SCN9A: variants seen among roughly 807,000 people sequenced by gnomAD.
SCN9A encodes sodium voltage-gated channel alpha subunit 9.
Under a neutral mutation model 187.0 loss-of-function variants are expected in SCN9A, and 131 were observed. The observed-to-expected ratio is 0.70, with a 90% confidence interval of 0.61 to 0.81. The LOEUF (loss-of-function observed/expected upper bound fraction) is 0.81. SCN9A is among the 30% of genes least tolerant of loss of function. SCN9A has a pLI of 0.00. For missense variants in SCN9A, 2,252 were observed against 2,396.6 expected (o/e 0.94, Z 1.26); for synonymous variants, 809 against 808.6 (o/e 1.00, Z -0.01).
chr2:166,276,993 C>CCAATGA lies in SCN9A; in HGVS notation c.2858_2863dup (p.Val953_Ile954dup). The CCAATGA allele has an allele frequency of 6.2e-7, 1 of 1,612,164 alleles. No homozygotes were observed. Among genetic ancestry groups the CCAATGA allele is most frequent in the Non-Finnish European group, 8.5e-7 (1 of 1,178,822 alleles). On this transcript the variant is annotated inframe_insertion, in exon 16 of 27. Transcript: ENST00000642356. ...CATCTGGTTACATACCACCAGGTTTCCAATGACCATGACCATCATGTAAAC... is the reference window on the plus strand; with the variant it reads ...CATCTGGTTACATACCACCAGGTTTCCAATGACAATGACCATGACCATCATGTAAAC...
chr2:166,266,582 T>A (rs559403942), intron 17 of SCN9A, among the ~76,000 whole-genome samples: 11 of 151,880 alleles, frequency 7.2e-5, no homozygotes, highest in Admixed American at 7.2e-4. Flanking sequence ...GGACTTTTTT[T>A]TTTTTTTTCT....
rs115489522 is a variant in SCN9A, at chr2:166,373,637, A to G, written c.-51+2060T>C. 4.3e-3 allele frequency among the ~76,000 whole-genome samples: 662 copies of G among 152,280 alleles called. 7 individuals are homozygous for G. The highest frequency in any genetic ancestry group is 0.015 in the African/African-American group (634 of 41,550). ...ATAAGGAAGAGAGCAATCAAAGGTGATTTCAATACTTGGATGGTGAAGGCA... is the reference window on the plus strand; with the variant it reads ...ATAAGGAAGAGAGCAATCAAAGGTGGTTTCAATACTTGGATGGTGAAGGCA... On this transcript the variant is annotated intron_variant, in intron 1 of 26. Transcript: ENST00000642356.
chr2:166,301,361 A>G (rs923161819), intron 7 of SCN9A: 1 of 150,486 alleles, frequency 6.6e-6, no homozygotes, highest in Admixed American at 6.6e-5. Flanking sequence ...CAATGTCCAC[A>G]TAAGGCAAAT....
rs1448806867 is a variant in SCN9A, at chr2:166,238,155, G to T, written c.3740C>A (p.Ala1247Glu). 3.1e-6 allele frequency: 5 copies of T among 1,610,390 alleles called. No homozygotes were observed. The highest frequency in any genetic ancestry group is 4.2e-6 in the Non-Finnish European group (5 of 1,177,740). ...GGTGAAATATGTTTTATAACCATAT[G>T]CTATCCATTTTAGAAGCATTTCCAG... The part of the protein sequence containing the change: ...FILEMLLKWI[A>E]YGYKTYFTNA... The change falls in exon 20 of 27, where the codon GCA (alanine) becomes GAA (glutamate). Residue 1247 changes from alanine (A) to glutamate (E), a missense_variant. Ala to Glu is a moderately radical substitution (Grantham distance 107). This residue lies in a region of SCN9A where 10 missense variants were observed against 27.8 expected (regional missense o/e 0.36). Coordinates refer to ENST00000642356, the MANE Select transcript of SCN9A (RefSeq NM_001365536.1).
At chr2:166,236,060 A>T (rs1279624727) in intron 20 of SCN9A, among the ~76,000 whole-genome samples, 1 of 152,048 alleles carries the variant, frequency 6.6e-6, no homozygotes, top group Admixed American at 6.6e-5. Context: ...ATATTGTATA[A>T]TTTTTTAAGA....
chr2:166,205,761 C>T (rs1192568056), intron 24 of SCN9A, among the ~76,000 whole-genome samples: 3 of 151,536 alleles, frequency 2.0e-5, no homozygotes, highest in Admixed American at 2.0e-4. Flanking sequence ...GCAATTTATC[C>T]ATCTGACAAA....
At chr2:166,222,768 T>A (rs1694646531) in intron 24 of SCN9A, among the ~76,000 whole-genome samples, 1 of 143,008 alleles carries the variant, frequency 7.0e-6, no homozygotes. Context: ...CCGTCTCTAC[T>A]AAAAATACAA....
chr2:166,348,027 G>A (rs1038642951), intron 1 of SCN9A, among the ~76,000 whole-genome samples: 4 of 152,138 alleles, frequency 2.6e-5, no homozygotes, highest in Admixed American at 2.6e-4. Context: ...GTTCCAGAAG[G>A]ACCAAACCTT....
chr2:166,227,015 C>G (rs1393179520), intron 23 of SCN9A, among the ~76,000 whole-genome samples: 1 of 151,956 alleles, frequency 6.6e-6, no homozygotes, highest in East Asian at 1.9e-4. Flanking sequence ...AAGTGACATA[C>G]TATGTATATG....
At chr2:166,294,694 T>C in intron 7 of SCN9A, 32 bp from the exon 8 acceptor site, 1 of 1,420,736 alleles carries the variant, frequency 7.0e-7, no homozygotes, top group Non-Finnish European at 9.8e-7. Context: ...AGTTATAACA[T>C]CACAGACTTT....
At position 166,196,503 on chromosome 2, in the gene SCN9A, T is replaced by C. The variant is rs79799591; in HGVS notation, c.*2169A>G. 244 of 152,258 alleles carry C rather than the reference T, an allele frequency of 1.6e-3. 3 individuals are homozygous for C. Among genetic ancestry groups the C allele is most frequent in the African/African-American group, 5.3e-3 (219 of 41,574 alleles). 9.4% of individuals were successfully genotyped at this position (152,258 alleles called of 1,614,324 possible). A position where few individuals can be genotyped will look rare whatever the true frequency, so the allele number is the denominator to read the frequency against. On this transcript the variant is annotated 3_prime_UTR_variant, in exon 27 of 27. Transcript: ENST00000642356. ...AAACAAGGCAATGTAAAAACATTAA[T>C]AGAAAATTACACACGAACCTGTCAA...
At chr2:166,354,491 A>C (rs1482996626) in intron 1 of SCN9A, among the ~76,000 whole-genome samples, 1 of 152,206 alleles carries the variant, frequency 6.6e-6, no homozygotes, top group Non-Finnish European at 1.5e-5. Context: ...TTTTAAGTTC[A>C]CAGCAGAACT....
chr2:166,263,371 C>T (rs1048466347), intron 17 of SCN9A, among the ~76,000 whole-genome samples: 4 of 151,988 alleles, frequency 2.6e-5, no homozygotes, highest in Non-Finnish European at 5.9e-5. Context: ...CCTACACAAT[C>T]CCGTGATTAA....
At chr2:166,362,311 G>T (rs17766561) in intron 1 of SCN9A, among the ~76,000 whole-genome samples, 31,068 of 151,872 alleles carry the variant, frequency 0.2, 4,046 homozygotes, top group Non-Finnish European at 0.29. Context: ...GGAACTAAAG[G>T]CTGTGATTAT....
At chr2:166,327,228 G>A (rs536564089) in intron 1 of SCN9A, among the ~76,000 whole-genome samples, 8 of 152,030 alleles carry the variant, frequency 5.3e-5, no homozygotes, top group African/African-American at 1.5e-4. Flanking sequence ...CTGTGATCAC[G>A]GCTCACTGGA....
chr2:166,275,601 A>G (rs1697200996), intron 16 of SCN9A, among the ~76,000 whole-genome samples: 1 of 151,538 alleles, frequency 6.6e-6, no homozygotes. Context: ...AAAAAAATAC[A>G]CAAGCAAATC....
At chr2:166,212,044 G>T (rs958837028) in intron 24 of SCN9A, among the ~76,000 whole-genome samples, 1 of 152,150 alleles carries the variant, frequency 6.6e-6, no homozygotes, top group Non-Finnish European at 1.5e-5. Flanking sequence ...TCAGATTTAA[G>T]AAAACATAGT....
At position 166,199,142 on chromosome 2, in the gene SCN9A, C is replaced by T. The variant is rs201638678; in HGVS notation, c.5497G>A (p.Gly1833Ser). ...LIAMDLPMVS[G>S]DRIHCLDILF... ...ATGTCAAGACAATGGATCCGGTCAC[C>T]ACTAACCATGGGCAGATCCATGGCA... Residue 1833 changes from glycine to serine, a missense_variant, in exon 27 of 27, where the codon GGT becomes AGT. Gly to Ser is a moderately conservative substitution (Grantham distance 56). This residue lies in a region of SCN9A where 345 missense variants were observed against 344.6 expected (regional missense o/e 1.00). Transcript: ENST00000642356. 13 of 1,614,178 alleles carry T rather than the reference C, an allele frequency of 8.1e-6. No homozygotes were observed. The highest frequency in any genetic ancestry group is 1.6e-4 in the Middle Eastern group (1 of 6,062).
intron 1 of SCN9A, among the ~76,000 whole-genome samples, chr2:166,350,100 T>A (rs1172501424): frequency 6.6e-6 from 1 of 152,236 alleles, no homozygotes; most frequent in Non-Finnish European, 1.5e-5. Context: ...TCTGCCATAA[T>A]TAAAGTATCT....
Sources: gnomAD v4.1 joint callset for allele counts (sites outside exome capture counted in the v4.1 genomes callset) on GRCh38, gnomAD v4.1.1 for gene constraint, gnomAD v4.1.1 regional missense constraint, MANE v1.5 for transcripts, NCBI Gene and HGNC (gene_info 2026-07-23, HGNC 2026-07-21) for gene names.